MED27: variants seen among roughly 807,000 people sequenced by gnomAD.
The protein encoded by MED27 is mediator complex subunit 27.
Under a neutral mutation model 38.2 loss-of-function variants are expected in MED27, and 30 were observed. The ratio of observed to expected loss-of-function variants is 0.79; its 90% confidence interval spans 0.59 to 1.07. The LOEUF is 1.07. MED27 is among the 50% of genes least tolerant of loss of function. The probability of loss-of-function intolerance (pLI) is 0.00; values close to 1 mark genes in which losing one functional copy is unlikely to be tolerated. For missense variants in MED27, 289 were observed against 397.5 expected (o/e 0.73, Z 2.32); for synonymous variants, 122 against 153.5 (o/e 0.79, Z 1.52).
intron 3 of MED27, among the ~76,000 whole-genome samples, chr9:132,012,547 G>C (rs535586699): frequency 1.5e-4 from 23 of 152,294 alleles, no homozygotes; most frequent in African/African-American, 4.8e-4. Flanking sequence ...CCACCAGCTA[G>C]AGAAAGGATC....
At chr9:132,017,530 G>A (rs559675512) in intron 2 of MED27, among the ~76,000 whole-genome samples, 5 of 152,270 alleles carry the variant, frequency 3.3e-5, no homozygotes, top group African/African-American at 1.2e-4. Context: ...CTAACCGGGA[G>A]GAATAAAAAT....
chr9:131,971,658 G>T (rs140447199), intron 3 of MED27, among the ~76,000 whole-genome samples: 75 of 152,308 alleles, frequency 4.9e-4, no homozygotes, highest in African/African-American at 1.8e-3. Context: ...ACGGGGAGAA[G>T]AGCAGGACTT....
intron 4 of MED27, among the ~76,000 whole-genome samples, chr9:131,905,887 T>C (rs1318584092): frequency 6.6e-6 from 1 of 152,106 alleles, no homozygotes; most frequent in Non-Finnish European, 1.5e-5. Flanking sequence ...ATCTGTTAAA[T>C]ACATATTATG....
intron 3 of MED27, among the ~76,000 whole-genome samples, chr9:132,002,778 G>A (rs1310148390): frequency 3.3e-5 from 5 of 151,770 alleles, no homozygotes; most frequent in East Asian, 1.9e-4. Context: ...GTCCTGGTGC[G>A]GTGGTGCACG....
chr9:132,014,583 C>T, intron 2 of MED27, 116 bp from the exon 3 acceptor site: 1 of 1,024,480 alleles, frequency 9.8e-7, no homozygotes, highest in Non-Finnish European at 1.4e-6. Flanking sequence ...TTTTAAGTAA[C>T]TTCAAATACA....
rs1832297327 is a variant in MED27 at position 132,003,957 on chromosome 9, TCA to T, written c.479+10378_479+10379del. Among the ~76,000 whole-genome samples the T allele has an allele frequency of 6.7e-6, 1 of 150,358 alleles. No individual in the cohort carries two copies. The highest frequency in any genetic ancestry group is 1.5e-5 in the Non-Finnish European group (1 of 67,474). On this transcript the variant is annotated intron_variant, in intron 3 of 7. Coordinates refer to ENST00000292035, the MANE Select transcript of MED27 (RefSeq NM_004269.4). The surrounding 1 kb of genome is among the most constrained non-coding windows in gnomAD (Gnocchi z 4.2). ...GCCTGTGGAAAGTACATAAAGGCTT[TCA>T]GAGTGAACATACACACACACACATA... is the stretch of plus-strand genomic sequence containing the variant.
At chr9:131,870,274 A>T (rs1589170575) in intron 6 of MED27, among the ~76,000 whole-genome samples, 2 of 152,178 alleles carry the variant, frequency 1.3e-5, no homozygotes, top group African/African-American at 4.8e-5. Flanking sequence ...TGGCTCCTCC[A>T]ACAGGAGCCC....
intron 2 of MED27, among the ~76,000 whole-genome samples, chr9:132,061,436 G>T (rs1392822430): frequency 1.3e-5 from 2 of 152,162 alleles, no homozygotes; most frequent in African/African-American, 4.8e-5. Flanking sequence ...GCTAGTAGCT[G>T]GTAAGTGAAG....
chr9:132,020,993 A>C (rs1263175349), intron 2 of MED27, among the ~76,000 whole-genome samples: 2 of 152,236 alleles, frequency 1.3e-5, no homozygotes, highest in East Asian at 3.8e-4. Context: ...TCGGTTTCAC[A>C]GCTCCTTCAA....
intron 3 of MED27, among the ~76,000 whole-genome samples, chr9:131,996,896 T>C (rs950009296): frequency 6.6e-6 from 1 of 152,236 alleles, no homozygotes; most frequent in Admixed American, 6.5e-5. Context: ...CTAGATATTT[T>C]ATTGTAAGAA....
intron 6 of MED27, among the ~76,000 whole-genome samples, chr9:131,871,590 C>T (rs1286505831): frequency 6.6e-6 from 1 of 152,296 alleles, no homozygotes; most frequent in East Asian, 1.9e-4. Flanking sequence ...GTACTTGTCA[C>T]CCATGCTGGA....
At chr9:131,947,007 A>G (rs1830899352) in intron 3 of MED27, among the ~76,000 whole-genome samples, 1 of 152,158 alleles carries the variant, frequency 6.6e-6, no homozygotes, top group Non-Finnish European at 1.5e-5. Flanking sequence ...TAACTCCCCT[A>G]CAGAATTCTA....
intron 2 of MED27, among the ~76,000 whole-genome samples, chr9:132,061,702 C>T (rs947168061): frequency 3.9e-5 from 6 of 152,204 alleles, no homozygotes; most frequent in African/African-American, 1.2e-4. Context: ...GGCCACCCAC[C>T]GGGCCCCAGA....
rs374021125 is a variant in MED27 at position 132,024,736 on chromosome 9, T to G, written c.349-10269A>C. On this transcript the variant is annotated intron_variant, in intron 2 of 7. Coordinates refer to ENST00000292035, the MANE Select transcript of MED27 (RefSeq NM_004269.4). ...ATCCTAAGGACAATCGTCTAAGGCC[T>G]GCAGAAACAAGGTAAGTGCTCTAAA... Among the ~76,000 whole-genome samples the G allele has an allele frequency of 2.5e-3, 387 of 152,324 alleles. 1 individual carries two copies. Among genetic ancestry groups the G allele is most frequent in the African/African-American group, 9.1e-3 (379 of 41,588 alleles).
chr9:132,071,803 G>A (rs13285736), intron 2 of MED27, among the ~76,000 whole-genome samples: 74 of 149,238 alleles, frequency 5.0e-4, no homozygotes, highest in Non-Finnish European at 8.5e-4. Context: ...ACATGCATAC[G>A]AGTAATGCAC....
chr9:131,949,717 C>A (rs1267218917), intron 3 of MED27, among the ~76,000 whole-genome samples: 2 of 152,144 alleles, frequency 1.3e-5, no homozygotes, highest in East Asian at 3.9e-4. Context: ...GGTAAATATT[C>A]ATGCAGTGCC....
intron 3 of MED27, among the ~76,000 whole-genome samples, chr9:131,964,424 G>A (rs997394691): frequency 1.7e-5 from 2 of 120,720 alleles, no homozygotes; most frequent in African/African-American, 6.3e-5. Flanking sequence ...TGGTGGTGGT[G>A]GTGGTAGTGT....
At chr9:131,948,850 T>C (rs1255893900) in intron 3 of MED27, among the ~76,000 whole-genome samples, 1 of 152,208 alleles carries the variant, frequency 6.6e-6, no homozygotes, top group Non-Finnish European at 1.5e-5. Context: ...TTCTCCTTAG[T>C]AGCTCTTGAA....
intron 3 of MED27, among the ~76,000 whole-genome samples, chr9:131,994,869 G>T (rs376772081): frequency 6.6e-6 from 1 of 152,098 alleles, no homozygotes; most frequent in Non-Finnish European, 1.5e-5. Flanking sequence ...ACGAGCATAC[G>T]GAGGAAGGGG....
Sources: allele counts gnomAD v4.1 joint callset (sites outside exome capture counted in the v4.1 genomes callset), GRCh38; gene constraint gnomAD v4.1.1; non-coding constraint Gnocchi (gnomAD v3.1); transcripts MANE v1.5; gene names NCBI Gene and HGNC (gene_info 2026-07-23, HGNC 2026-07-21).